Variants in HIVEP1 observed in about 807,000 individuals in gnomAD.
HIVEP1 encodes HIVEP zinc finger 1.
A neutral mutation model predicts 180.0 loss-of-function variants in HIVEP1; 36 were observed. The ratio of observed to expected loss-of-function variants is 0.20; its 90% confidence interval spans 0.15 to 0.26. The LOEUF (loss-of-function observed/expected upper bound fraction) is 0.26. Ranked by LOEUF, HIVEP1 falls within the 10% of genes least tolerant of loss-of-function variation. HIVEP1 has a pLI of 1.00. For synonymous variants in HIVEP1, 1,239 were observed against 1,239.0 expected (o/e 1.00, Z 0.00); for missense variants, 3,143 against 3,268.7 (o/e 0.96, Z 0.94).
At chr6:12,133,465 T>C (rs982066862) in intron 6 of HIVEP1, among the ~76,000 whole-genome samples, 68 of 152,218 alleles carry the variant, frequency 4.5e-4, no homozygotes, top group Non-Finnish European at 9.0e-4. Flanking sequence ...TGCTAGGAGA[T>C]ATTTGCATTT....
intron 2 of HIVEP1, among the ~76,000 whole-genome samples, chr6:12,068,886 G>C (rs1042069306): frequency 2.6e-5 from 4 of 151,890 alleles, no homozygotes; most frequent in African/African-American, 9.7e-5. Flanking sequence ...ATAAAAAATT[G>C]GTGTTTTCTC....
At chr6:12,073,955 A>G (rs1772158238) in intron 2 of HIVEP1, among the ~76,000 whole-genome samples, 2 of 152,102 alleles carry the variant, frequency 1.3e-5, no homozygotes, top group African/African-American at 4.8e-5. Context: ...CCTGCACCAC[A>G]CACTCCCCAC....
downstream of HIVEP1, among the ~76,000 whole-genome samples, chr6:12,168,325 T>TAC (rs1363269061): frequency 0.01 from 1,421 of 135,464 alleles, 21 homozygotes; most frequent in Admixed American, 0.016. Flanking sequence ...TATACATATA[T>TAC]ATTATATAAT....
rs201436503 is a variant in HIVEP1, at chr6:12,125,460, A to T, written c.5665A>T (p.Thr1889Ser). ...ENTHISPLKC[T>S]DNNQERKSPG... The stretch of plus-strand genomic sequence containing the variant: ...TACTCATATTTCTCCTTTGAAATGT[A>T]CAGACAATAACCAAGAAAGGAAGTC... The change falls in exon 4 of 9, where the codon ACA (threonine) becomes TCA (serine). Residue 1889 changes from threonine to serine, a missense_variant. This residue lies in a region of HIVEP1 where 1,357 missense variants were observed against 1,260.5 expected (regional missense o/e 1.08). Coordinates refer to ENST00000379388, the MANE Select transcript of HIVEP1 (RefSeq NM_002114.4). 1 of 1,614,158 alleles carries T rather than the reference A, an allele frequency of 6.2e-7. No homozygotes were observed.
intron 3 of HIVEP1, among the ~76,000 whole-genome samples, chr6:12,119,652 A>G (rs9394569): frequency 0.27 from 40,417 of 152,190 alleles, 6,286 homozygotes; most frequent in Non-Finnish European, 0.35. Context: ...AAAGGAACAT[A>G]AGCATTCTAG....
Position 12,164,568 on chromosome 6 carries a change from C to A in HIVEP1, c.*107C>A. The A allele has an allele frequency of 1.2e-6, 1 of 855,114 alleles. No individual in the cohort carries two copies. Among genetic ancestry groups the A allele is most frequent in the Non-Finnish European group, 1.8e-6 (1 of 571,370 alleles). 53.0% of individuals were successfully genotyped at this position (855,114 alleles called of 1,614,324 possible). On this transcript the variant is annotated 3_prime_UTR_variant, in exon 9 of 9. Transcript: ENST00000379388. ...TTTCTGACATAAACTCATGACTAAT[C>A]TTTGTGCAATCATGAACTTTTGACC...
intron 2 of HIVEP1, among the ~76,000 whole-genome samples, chr6:12,077,005 G>A (rs898202199): frequency 6.6e-6 from 1 of 152,128 alleles, no homozygotes; most frequent in African/African-American, 2.4e-5. Flanking sequence ...GAGGGATGAT[G>A]TATATCAAAT....
intron 3 of HIVEP1, among the ~76,000 whole-genome samples, chr6:12,096,473 G>A (rs184440751): frequency 6.6e-6 from 1 of 151,406 alleles, no homozygotes; most frequent in East Asian, 1.9e-4. Flanking sequence ...AACTCTAATT[G>A]GTGTGTCAGT....
intron 8 of HIVEP1, among the ~76,000 whole-genome samples, chr6:12,162,701 C>A (rs895691641): frequency 6.6e-6 from 1 of 152,194 alleles, no homozygotes; most frequent in Non-Finnish European, 1.5e-5. Context: ...GCGTCTCTAT[C>A]CCAAAACCTC....
the HIVEP1 span, among the ~76,000 whole-genome samples, chr6:12,190,014 G>A: frequency 6.6e-6 from 1 of 152,178 alleles, no homozygotes; most frequent in African/African-American, 2.4e-5. Context: ...AATATACTAA[G>A]TAAAAAGGAA....
chr6:12,037,273 A>G (rs1199238199), intron 2 of HIVEP1, among the ~76,000 whole-genome samples: 1 of 152,182 alleles, frequency 6.6e-6, no homozygotes, highest in African/African-American at 2.4e-5. Context: ...TGTCTTGTTA[A>G]TCATGCCACA....
the HIVEP1 span, among the ~76,000 whole-genome samples, chr6:12,178,312 G>C: frequency 1.3e-5 from 2 of 152,226 alleles, no homozygotes; most frequent in East Asian, 3.8e-4. Context: ...ATAAGATCCG[G>C]GCATGGTGGT....
At chr6:12,103,775 A>C (rs1157443653) in intron 3 of HIVEP1, among the ~76,000 whole-genome samples, 1 of 152,094 alleles carries the variant, frequency 6.6e-6, no homozygotes, top group African/African-American at 2.4e-5. Context: ...TATTTATAAT[A>C]TAAGTTAAAT....
the HIVEP1 span, among the ~76,000 whole-genome samples, chr6:12,178,662 T>A: frequency 2.6e-5 from 4 of 152,168 alleles, no homozygotes; most frequent in African/African-American, 7.2e-5. Flanking sequence ...AGGTCTGAGT[T>A]GATGGGGCCA....
intron 7 of HIVEP1, among the ~76,000 whole-genome samples, chr6:12,136,345 A>G (rs1267861717): frequency 1.3e-5 from 2 of 151,926 alleles, no homozygotes; most frequent in Non-Finnish European, 2.9e-5. Flanking sequence ...CTCACTCCCC[A>G]CACAAACGTG....
In HIVEP1 at chr6:12,164,154, C is replaced by T. The variant is rs762119990; in HGVS notation, c.7850C>T (p.Pro2617Leu). 4.3e-6 allele frequency: 7 copies of T among 1,614,188 alleles called. No individual in the cohort carries two copies. In the South Asian group the frequency reaches 7.7e-5, roughly 18 times the overall value. ...QRENAKKVLN[P>L]PAPAGDHARL... ...GAAAATGCAAAAAAAGTTCTGAATCCACCTGCCCCTGCAGGTGACCATGCA... is the reference window on the plus strand; with the variant it reads ...GAAAATGCAAAAAAAGTTCTGAATCTACCTGCCCCTGCAGGTGACCATGCA... Residue 2617 changes from proline to leucine, a missense_variant, in exon 9 of 9, where the codon CCA becomes CTA. This residue lies in a region of HIVEP1 where 595 missense variants were observed against 602.2 expected (regional missense o/e 0.99). Transcript: ENST00000379388.
intron 7 of HIVEP1, among the ~76,000 whole-genome samples, chr6:12,140,135 T>C (rs998134365): frequency 5.3e-5 from 8 of 152,148 alleles, no homozygotes; most frequent in African/African-American, 1.9e-4. Flanking sequence ...GGGCGAAGCT[T>C]CCAGAGGAAG....
chr6:12,066,032 T>C (rs1365572203), intron 2 of HIVEP1, among the ~76,000 whole-genome samples: 1 of 151,434 alleles, frequency 6.6e-6, no homozygotes, highest in Admixed American at 6.6e-5. Flanking sequence ...ATTGGGGAGG[T>C]GATTCTCATG....
chr6:12,098,604 G>A (rs776243531), intron 3 of HIVEP1, among the ~76,000 whole-genome samples: 32 of 152,170 alleles, frequency 2.1e-4, no homozygotes, highest in Admixed American at 7.2e-4. Flanking sequence ...TATATATTTT[G>A]CCTACGTAGA....
Sources: gnomAD v4.1 joint callset for allele counts (sites outside exome capture counted in the v4.1 genomes callset) on GRCh38, gnomAD v4.1.1 for gene constraint, gnomAD v4.1.1 regional missense constraint, MANE v1.5 for transcripts, NCBI Gene and HGNC (gene_info 2026-07-23, HGNC 2026-07-21) for gene names.